CTNNA2: variants seen among roughly 807,000 people sequenced by gnomAD.
The protein encoded by CTNNA2 is catenin alpha 2, also known as catenin alpha-2.
In CTNNA2, 42 loss-of-function variants were observed where a neutral mutation model predicts 101.0. The ratio of observed to expected loss-of-function variants is 0.42; its 90% CI spans 0.32 to 0.54. The LOEUF (loss-of-function observed/expected upper bound fraction) is 0.54, where lower values mean the gene tolerates loss of function less well. Among genes scored for constraint, CTNNA2 ranks in the 20% least tolerant of loss-of-function variants. CTNNA2 has a pLI of 0.14. For synonymous variants in CTNNA2, 450 were observed against 456.4 expected, an observed-to-expected ratio of 0.99 and a Z score of 0.18; for missense variants, 871 against 1,223.1, an observed-to-expected ratio of 0.71 and a Z score of 4.29.
intron 2 of CTNNA2, among the ~76,000 whole-genome samples, chr2:79,279,369 T>G (rs554615351): frequency 6.6e-6 from 1 of 152,102 alleles, no homozygotes; most frequent in Non-Finnish European, 1.5e-5. Flanking sequence ...CATAAATGCC[T>G]GAGGATAATT....
chr2:79,462,289 C>T (rs1049529380), intron 4 of CTNNA2, among the ~76,000 whole-genome samples: 1 of 152,120 alleles, frequency 6.6e-6, no homozygotes, highest in Admixed American at 6.5e-5. Context: ...TCAAACATTT[C>T]CTGGGGAAAT....
At chr2:79,868,081 A>G (rs188542126) in intron 4 of CTNNA2, among the ~76,000 whole-genome samples, 1 of 152,314 alleles carries the variant, frequency 6.6e-6, no homozygotes, top group African/African-American at 2.4e-5. Flanking sequence ...GGGTGCCTAA[A>G]AAACCTGACA....
intron 7 of CTNNA2, among the ~76,000 whole-genome samples, chr2:80,266,758 C>T (rs57298742): frequency 0.018 from 2,754 of 152,150 alleles, 34 homozygotes; most frequent in East Asian, 0.04. Context: ...CAAAGTATAC[C>T]GAGGGAATGA....
At chr2:79,746,354 G>T (rs529010026) in intron 3 of CTNNA2, among the ~76,000 whole-genome samples, 53 of 152,140 alleles carry the variant, frequency 3.5e-4, no homozygotes, top group African/African-American at 1.3e-3. Flanking sequence ...CATTCTGTAG[G>T]TTGCCTTTTC....
At chr2:79,589,726 C>A (rs953194197) in intron 1 of CTNNA2, among the ~76,000 whole-genome samples, 2 of 151,586 alleles carry the variant, frequency 1.3e-5, no homozygotes, top group African/African-American at 4.9e-5. Flanking sequence ...TTCCCCCCCC[C>A]GAGACACGAA....
intron 2 of CTNNA2, among the ~76,000 whole-genome samples, chr2:79,670,600 G>A (rs895334307): frequency 1.2e-4 from 18 of 152,156 alleles, no homozygotes; most frequent in African/African-American, 4.3e-4. Context: ...CAGTTTGGGT[G>A]CCTTATTTCT....
At chr2:79,424,098 G>C (rs1678568232) in intron 4 of CTNNA2, among the ~76,000 whole-genome samples, 1 of 152,124 alleles carries the variant, frequency 6.6e-6, no homozygotes, top group South Asian at 2.1e-4. Flanking sequence ...AAGAGAGAGA[G>C]GAAGCCAATG....
intron 3 of CTNNA2, among the ~76,000 whole-genome samples, chr2:79,324,231 A>C (rs949809170): frequency 2.0e-5 from 3 of 152,224 alleles, no homozygotes; most frequent in Non-Finnish European, 4.4e-5. Context: ...GCAGGGCCAC[A>C]TAGGGGCACC....
chr2:80,545,726 A>C (rs988946187), intron 10 of CTNNA2, among the ~76,000 whole-genome samples, 181 bp from the exon 11 acceptor site: 4 of 152,188 alleles, frequency 2.6e-5, no homozygotes, highest in South Asian at 2.1e-4. Context: ...GAAGCAAACA[A>C]AAATTAATGG....
intron 7 of CTNNA2, among the ~76,000 whole-genome samples, chr2:79,936,361 C>A (rs1468728050): frequency 1.3e-5 from 2 of 151,744 alleles, no homozygotes; most frequent in Non-Finnish European, 2.9e-5. Flanking sequence ...AATTGTCATA[C>A]CTGTGAAAGG....
upstream of CTNNA2, among the ~76,000 whole-genome samples, chr2:79,512,791 GCGCTCCCCAGGCCGC>G (rs553692669): frequency 2.0e-5 from 3 of 151,434 alleles, no homozygotes; most frequent in Middle Eastern, 3.4e-3. Context: ...GCCCTTTCGG[GCGCTCCCCAGGCCGC>G]GCGCGCCCGC....
chr2:80,546,087 T>C, intron 11 of CTNNA2, 24 bp downstream of exon 11: 1 of 1,611,980 alleles, frequency 6.2e-7, no homozygotes, highest in Non-Finnish European at 8.5e-7. Flanking sequence ...ACAGGTCCCT[T>C]ACAAGGCAGC....
chr2:80,584,474 A>G (rs948373653), intron 14 of CTNNA2, among the ~76,000 whole-genome samples: 3 of 151,736 alleles, frequency 2.0e-5, no homozygotes, highest in Non-Finnish European at 4.4e-5. Context: ...GGGAATCAAT[A>G]TGGATGGTGG....
At chr2:79,261,552 C>T (rs542024749) in intron 2 of CTNNA2, among the ~76,000 whole-genome samples, 14 of 152,296 alleles carry the variant, frequency 9.2e-5, no homozygotes, top group African/African-American at 2.6e-4. Context: ...TGGTTTCTGG[C>T]GAGACCTCCT....
intron 7 of CTNNA2, among the ~76,000 whole-genome samples, chr2:80,201,148 G>T (rs984994219): frequency 2.0e-5 from 3 of 151,846 alleles, no homozygotes; most frequent in Non-Finnish European, 4.4e-5. Flanking sequence ...TTATCATACT[G>T]AATTGTCTTT....
intron 9 of CTNNA2, among the ~76,000 whole-genome samples, chr2:80,507,361 A>G (rs541445988): frequency 6.6e-6 from 1 of 152,314 alleles, no homozygotes; most frequent in Non-Finnish European, 1.5e-5. Context: ...GCTACTAGTT[A>G]TATGAAAAGT....
At chr2:80,053,367 G>T (rs1697002946) in intron 7 of CTNNA2, among the ~76,000 whole-genome samples, 1 of 152,194 alleles carries the variant, frequency 6.6e-6, no homozygotes, top group African/African-American at 2.4e-5. Flanking sequence ...CAACTTTATA[G>T]TTGAGCAATC....
chr2:79,748,640 A>G (rs968800453), intron 3 of CTNNA2, among the ~76,000 whole-genome samples: 1 of 152,138 alleles, frequency 6.6e-6, no homozygotes, highest in South Asian at 2.1e-4. Context: ...AACATTCATT[A>G]TAATTACCCC....
At chr2:80,337,310 G>A (rs1287335448) in intron 7 of CTNNA2, among the ~76,000 whole-genome samples, 4 of 151,802 alleles carry the variant, frequency 2.6e-5, no homozygotes, top group Admixed American at 6.6e-5. Flanking sequence ...AGCCAAGATC[G>A]TGCCACTGCA....
Sources: gnomAD v4.1 joint callset for allele counts (sites outside exome capture counted in the v4.1 genomes callset) on GRCh38, gnomAD v4.1.1 for gene constraint, MANE v1.5 for transcripts, NCBI Gene and HGNC (gene_info 2026-07-23, HGNC 2026-07-21) for gene names.